Variants in NRF1 observed in about 807,000 individuals in gnomAD.
NRF1 encodes alpha palindromic-binding protein.
NRF1 carries 5 observed loss-of-function variants against 58.5 expected under a neutral mutation model. That is an observed-to-expected ratio of 0.09 (90% CI 0.04 to 0.18). The LOEUF is 0.18. Ranked by LOEUF, NRF1 falls within the 10% of genes least tolerant of loss-of-function variation. NRF1 has a pLI of 1.00. For missense variants in NRF1, 288 were observed against 657.7 expected (o/e 0.44, Z 6.15); for synonymous variants, 224 against 246.7 (o/e 0.91, Z 0.86).
intron 10 of NRF1, chr7:129,734,987 C>A: frequency 2.3e-6 from 2 of 876,736 alleles, no homozygotes; most frequent in Non-Finnish European, 2.7e-6. Flanking sequence ...GGGAAAGGGT[C>A]AGGGGCGTGT....
At chr7:129,655,983 A>AT (rs1278318178) in intron 1 of NRF1, among the ~76,000 whole-genome samples, 2 of 151,898 alleles carry the variant, frequency 1.3e-5, no homozygotes, top group Admixed American at 6.6e-5. Context: ...TGTATACCAC[A>AT]TTTTTTTTAC....
intron 10 of NRF1, among the ~76,000 whole-genome samples, chr7:129,729,316 G>T (rs538645588): frequency 1.3e-5 from 2 of 152,294 alleles, no homozygotes; most frequent in East Asian, 3.9e-4. Context: ...CGCTACTATT[G>T]ATTACTGGAA....
rs747073245 is a variant in NRF1 at position 129,706,423 on chromosome 7, C to T, written c.607-2652C>T. ...CAAAAAATTAGAATAAAGGTGGGGC[C>T]GGAGAAGAAGGGATAGACACCAGAG... On this transcript the variant is annotated intron_variant, in intron 5 of 10. Coordinates refer to ENST00000393232, the MANE Select transcript of NRF1 (RefSeq NM_005011.5). Among the ~76,000 whole-genome samples, 20 of 151,862 alleles carry T rather than the reference C, an allele frequency of 1.3e-4. No individual in the cohort carries two copies. In the South Asian group the frequency reaches 3.3e-3, roughly 25 times the overall value.
At chr7:129,679,316 A>C (rs1156707782) in intron 4 of NRF1, among the ~76,000 whole-genome samples, 1 of 152,272 alleles carries the variant, frequency 6.6e-6, no homozygotes, top group Non-Finnish European at 1.5e-5. Context: ...TGCAAGTAAT[A>C]GAATCAAGAA....
intron 1 of NRF1, among the ~76,000 whole-genome samples, chr7:129,649,003 CTT>C (rs1484587094): frequency 1.3e-5 from 2 of 150,828 alleles, no homozygotes; most frequent in African/African-American, 4.9e-5. Flanking sequence ...CTCATACACT[CTT>C]TGAAAGAGAA....
intron 1 of NRF1, among the ~76,000 whole-genome samples, chr7:129,644,321 G>T (rs1485228191): frequency 6.6e-6 from 1 of 152,202 alleles, no homozygotes; most frequent in Non-Finnish European, 1.5e-5. Context: ...ACTTTTGACT[G>T]TGAACGTCTG....
chr7:129,720,972 TTGTG>T (rs1040285198), intron 9 of NRF1, among the ~76,000 whole-genome samples: 2 of 151,862 alleles, frequency 1.3e-5, no homozygotes, highest in African/African-American at 2.4e-5. Context: ...TTAAAAAAAT[TTGTG>T]TGTGTATGTG....
Position 129,755,387 on chromosome 7 carries a change from C to A in NRF1, c.*206C>A. On this transcript the variant is annotated 3_prime_UTR_variant, in exon 11 of 11. Transcript: ENST00000393232. This position sits in a 1 kb window ranked among gnomAD's most constrained non-coding sequence, Gnocchi z 5.8. ...TTTTCTGGGATTGGTGAAGAAACTG[C>A]ATTGTCAATTTCACTGTCCCAAAAA... 1.9e-6 allele frequency: 1 copy of A among 536,002 alleles called. No homozygotes were observed. 33.2% of individuals were successfully genotyped at this position (536,002 alleles called of 1,614,324 possible).
chr7:129,684,048 C>CT (rs1802389493), intron 4 of NRF1, among the ~76,000 whole-genome samples: 1 of 151,924 alleles, frequency 6.6e-6, no homozygotes, highest in Non-Finnish European at 1.5e-5. Flanking sequence ...TATTCATTGT[C>CT]TTATTTTCAA....
In NRF1 at chr7:129,741,470, A is replaced by C. The variant is rs896807806; in HGVS notation, c.1349-13548A>C. 6.6e-6 allele frequency among the ~76,000 whole-genome samples: 1 copy of C among 152,098 alleles called. No homozygotes were observed. Among genetic ancestry groups the C allele is most frequent in the Non-Finnish European group, 1.5e-5 (1 of 68,018 alleles). On this transcript the variant is annotated intron_variant, in intron 10 of 10. Coordinates refer to ENST00000393232, the MANE Select transcript of NRF1 (RefSeq NM_005011.5). The surrounding 1 kb of genome is among the most constrained non-coding windows in gnomAD (Gnocchi z 4.0). ...TCTTGTGCCTGTCATTGTGAGCGCT[A>C]TTCTGTAAAGGGATTTTTTTTTCTG...
At chr7:129,674,960 G>T (rs1802143066) in intron 3 of NRF1, among the ~76,000 whole-genome samples, 4 of 152,154 alleles carry the variant, frequency 2.6e-5, no homozygotes, top group Admixed American at 2.6e-4. Context: ...CTGTAACGTG[G>T]TGCTGTTTGA....
intron 10 of NRF1, among the ~76,000 whole-genome samples, chr7:129,729,629 TCTC>T (rs1803532880): frequency 6.6e-6 from 1 of 152,252 alleles, no homozygotes; most frequent in Non-Finnish European, 1.5e-5. Flanking sequence ...AAAGAATGAA[TCTC>T]ATATGGGATA....
chr7:129,633,533 C>G (rs780968287), intron 1 of NRF1: 3 of 152,104 alleles, frequency 2.0e-5, no homozygotes, highest in Non-Finnish European at 4.4e-5. Context: ...GCATGATACA[C>G]AATTTAAGAC....
intron 1 of NRF1, among the ~76,000 whole-genome samples, 161 bp downstream of exon 1, chr7:129,611,985 C>T (rs2151050239): frequency 1.3e-5 from 2 of 148,822 alleles, no homozygotes; most frequent in South Asian, 4.1e-4. Flanking sequence ...GGGCGGGGGG[C>T]CCCGGCCCGG....
chr7:129,677,210 C>T (rs1193910877), intron 3 of NRF1, among the ~76,000 whole-genome samples: 1 of 151,904 alleles, frequency 6.6e-6, no homozygotes, highest in Non-Finnish European at 1.5e-5. Context: ...ACGGGTTTTA[C>T]ACCATGTTGG....
At chr7:129,645,000 T>C (rs1801372311) in intron 1 of NRF1, among the ~76,000 whole-genome samples, 1 of 151,566 alleles carries the variant, frequency 6.6e-6, no homozygotes, top group Admixed American at 6.6e-5. Context: ...GGTATTTGTA[T>C]GGTCAAAATT....
Position 129,613,158 on chromosome 7 carries a change from C to T in NRF1, c.-7+1334C>T, listed in dbSNP as rs1584570781. ...GCAGTGTTGGGCAGAGCTTTTGTCC[C>T]GGGACATCATCTGTGCTCACAGTGA... On this transcript the variant is annotated intron_variant, in intron 1 of 10. Transcript: ENST00000393232. 6.6e-5 allele frequency among the ~76,000 whole-genome samples: 10 copies of T among 152,246 alleles called. 3 individuals carry two copies. The highest frequency in any genetic ancestry group is 6.5e-4 in the Admixed American group (10 of 15,292).
intron 10 of NRF1, among the ~76,000 whole-genome samples, chr7:129,736,729 CCT>C (rs1223671505): frequency 6.6e-6 from 1 of 151,120 alleles, no homozygotes; most frequent in Non-Finnish European, 1.5e-5. Flanking sequence ...CACCCCCACC[CCT>C]GTTCATCTCC....
Position 129,729,184 on chromosome 7 carries a change from T to C in NRF1, c.1348+1819T>C, listed in dbSNP as rs372511216. Among the ~76,000 whole-genome samples, 15 of 152,140 alleles carry C rather than the reference T, an allele frequency of 9.9e-5. No individual in the cohort carries two copies. In the East Asian group the frequency reaches 2.3e-3, roughly 24 times the overall value. Reference sequence around the variant, plus strand: ...CTGTCTGGGAGAGAACAGACTGCTTTATAATTCTGGCTCCTCCCCAGCATC... The same window carrying C: ...CTGTCTGGGAGAGAACAGACTGCTTCATAATTCTGGCTCCTCCCCAGCATC... On this transcript the variant is annotated intron_variant, in intron 10 of 10. Coordinates refer to ENST00000393232, the MANE Select transcript of NRF1 (RefSeq NM_005011.5).
Sources: gnomAD v4.1 joint callset for allele counts (sites outside exome capture counted in the v4.1 genomes callset) on GRCh38, gnomAD v4.1.1 for gene constraint, Gnocchi (gnomAD v3.1) non-coding constraint, MANE v1.5 for transcripts, NCBI Gene and HGNC (gene_info 2026-07-23, HGNC 2026-07-21) for gene names.